Variants in PDE9A observed in about 807,000 individuals in gnomAD.
The protein encoded by PDE9A is high affinity cGMP-specific 3',5'-cyclic phosphodiesterase 9A.
PDE9A carries 60 observed loss-of-function variants against 87.4 expected under a neutral mutation model. The observed-to-expected ratio is 0.69, with a 90% CI of 0.56 to 0.85. PDE9A has a LOEUF of 0.85. Ranked by LOEUF, PDE9A falls within the 40% of genes least tolerant of loss-of-function variation. The pLI is 0.00. For missense variants in PDE9A, 665 were observed against 779.0 expected, an observed-to-expected ratio of 0.85 and a Z score of 1.74; for synonymous variants, 272 against 279.4, an observed-to-expected ratio of 0.97 and a Z score of 0.27.
intron 1 of PDE9A, among the ~76,000 whole-genome samples, chr21:42,684,716 G>C (rs1354239015): frequency 6.6e-6 from 1 of 152,174 alleles, no homozygotes; most frequent in East Asian, 1.9e-4. Flanking sequence ...GTGCGAGCAG[G>C]GCCAGGACCA....
rs1159159460 is a variant in PDE9A, at chr21:42,759,061, C to A, written c.873C>A (p.Asn291Lys). ...GGCTGGTCAGGGACTTCAGCATCAA[C>A]CCTGTCACCCTCAGGAGGTGGCTGG... ...DLGLVRDFSINPVTLRRWLFC... is the reference protein window; with the variant it reads ...DLGLVRDFSIKPVTLRRWLFC... Residue 291 changes from asparagine (N) to lysine (K), a missense_variant, in exon 11 of 20, where the codon AAC (asparagine) becomes AAA (lysine). By Grantham distance (94) the Asn-to-Lys change is moderately conservative. Transcript: ENST00000291539. The surrounding 1 kb of genome is among the most constrained non-coding windows in gnomAD (Gnocchi z 7.2). 1 of 1,613,944 alleles carries A rather than the reference C, an allele frequency of 6.2e-7. No individual in the cohort carries two copies. Among genetic ancestry groups the A allele is most frequent in the Non-Finnish European group, 8.5e-7 (1 of 1,179,812 alleles).
intron 4 of PDE9A, among the ~76,000 whole-genome samples, chr21:42,730,161 G>A (rs1354230126): frequency 2.0e-5 from 3 of 152,168 alleles, no homozygotes; most frequent in Non-Finnish European, 4.4e-5. Context: ...GATGATTCTT[G>A]TTGATGGGAG....
intron 7 of PDE9A, among the ~76,000 whole-genome samples, chr21:42,738,503 G>A (rs951764178): frequency 4.6e-5 from 7 of 151,892 alleles, no homozygotes; most frequent in African/African-American, 4.8e-5. Flanking sequence ...AGCTCTCCCC[G>A]ACCCCCAGCT....
intron 4 of PDE9A, among the ~76,000 whole-genome samples, chr21:42,706,538 G>A (rs1462082657): frequency 1.3e-5 from 2 of 151,942 alleles, no homozygotes; most frequent in Non-Finnish European, 2.9e-5. Context: ...CTAGCTACTT[G>A]GAAGGCTGAG....
At chr21:42,677,060 A>G (rs571319844) in intron 1 of PDE9A, among the ~76,000 whole-genome samples, 116 of 152,300 alleles carry the variant, frequency 7.6e-4, no homozygotes, top group African/African-American at 2.7e-3. Flanking sequence ...GGGTAGTGTG[A>G]TGGAAAGACA....
chr21:42,757,840 G>A (rs1034321529), intron 10 of PDE9A: 8 of 152,238 alleles, frequency 5.3e-5, no homozygotes, highest in African/African-American at 1.9e-4. Context: ...GCCTCACCCT[G>A]ACTAGATGGA....
At chr21:42,670,195 TCACACACATA>T (rs1049600908) in intron 1 of PDE9A, among the ~76,000 whole-genome samples, 7 of 144,316 alleles carry the variant, frequency 4.9e-5, no homozygotes, top group Non-Finnish European at 9.0e-5. Flanking sequence ...TTACACACAT[TCACACACATA>T]CACTTACATT....
intron 5 of PDE9A, 51 bp downstream of exon 5, chr21:42,732,000 C>T (rs780783625): frequency 1.6e-5 from 26 of 1,610,894 alleles, no homozygotes; most frequent in South Asian, 4.4e-5. Context: ...ACGTGGGATT[C>T]GGGCTGCAAT....
chr21:42,670,561 C>T (rs1171882434), intron 1 of PDE9A, among the ~76,000 whole-genome samples: 2 of 150,262 alleles, frequency 1.3e-5, no homozygotes, highest in African/African-American at 5.0e-5. Flanking sequence ...CCCACACATT[C>T]ACACATACAC....
chr21:42,662,805 CCA>C (rs145999655), intron 1 of PDE9A, among the ~76,000 whole-genome samples: 3,670 of 139,602 alleles, frequency 0.026, 157 homozygotes, highest in East Asian at 0.23. Context: ...CACACACACA[CCA>C]CACACACGCA....
chr21:42,769,448 G>A (rs1442205829), intron 17 of PDE9A, among the ~76,000 whole-genome samples: 4 of 125,614 alleles, frequency 3.2e-5, no homozygotes, highest in Non-Finnish European at 6.4e-5. Context: ...ATGTACACAG[G>A]CACACACAGG....
At chr21:42,665,102 C>T (rs776804289) in intron 1 of PDE9A, among the ~76,000 whole-genome samples, 19 of 152,320 alleles carry the variant, frequency 1.2e-4, no homozygotes, top group South Asian at 6.2e-4. Flanking sequence ...GAACGGAAGA[C>T]GTAGAGACAG....
At chr21:42,765,723 C>T (rs11911386) in intron 15 of PDE9A, 5,433 of 518,254 alleles carry the variant, frequency 0.01, 236 homozygotes, top group African/African-American at 0.094. Context: ...CCCATTCCTC[C>T]ATCTCTTTTG....
chr21:42,753,965 A>C, intron 9 of PDE9A, 25 bp from the exon 10 acceptor site: 1 of 1,505,248 alleles, frequency 6.6e-7, no homozygotes, highest in Non-Finnish European at 9.2e-7. Context: ...GCGCCTGGTT[A>C]ACACGGAACT....
chr21:42,671,195 G>T (rs1258843847), intron 1 of PDE9A, among the ~76,000 whole-genome samples: 2 of 152,132 alleles, frequency 1.3e-5, no homozygotes, highest in East Asian at 3.8e-4. Flanking sequence ...AGGAGGGGAG[G>T]CGTGGGGACA....
intron 15 of PDE9A, among the ~76,000 whole-genome samples, chr21:42,766,195 G>A (rs187181696): frequency 8.5e-4 from 129 of 152,276 alleles, no homozygotes; most frequent in African/African-American, 3.0e-3. Flanking sequence ...AAAAAAATCA[G>A]TGCATATCTG....
Position 42,656,558 on chromosome 21 carries a change from G to A in PDE9A, c.69+2675G>A, listed in dbSNP as rs112288446. 2.1e-3 allele frequency among the ~76,000 whole-genome samples: 316 copies of A among 151,978 alleles called. 2 individuals are homozygous for A. The highest frequency in any genetic ancestry group is 7.5e-3 in the African/African-American group (309 of 41,326). On this transcript the variant is annotated intron_variant, in intron 1 of 19. Transcript: ENST00000291539. ...GCAGGTAACCCTGCAGACATGCCCA[G>A]TGATTCAGAGGAGCCGCTGCAGCCA...
rs560317525 is a variant in PDE9A, at chr21:42,739,111, G to A, written c.569-4665G>A. 2.0e-5 allele frequency among the ~76,000 whole-genome samples: 3 copies of A among 152,348 alleles called. No individual in the cohort carries two copies. Among genetic ancestry groups the A allele is most frequent in the East Asian group, 1.9e-4 (1 of 5,184 alleles). ...CAGGCAGCCGTGGGCTGGGCTCCCA[G>A]CCCCCTAGCAGGGTCCAGTGGGCCA... On this transcript the variant is annotated intron_variant, in intron 7 of 19. Coordinates refer to ENST00000291539, the MANE Select transcript of PDE9A (RefSeq NM_002606.3). The surrounding 1 kb of genome is among the most constrained non-coding windows in gnomAD (Gnocchi z 4.1).
intron 15 of PDE9A, among the ~76,000 whole-genome samples, chr21:42,766,372 T>C (rs148662386): frequency 4.8e-4 from 73 of 151,714 alleles, no homozygotes; most frequent in African/African-American, 1.7e-3. Flanking sequence ...CTCCCGGCCT[T>C]CAGAGAGAAA....
Sources: allele counts gnomAD v4.1 joint callset (sites outside exome capture counted in the v4.1 genomes callset), GRCh38; gene constraint gnomAD v4.1.1; non-coding constraint Gnocchi (gnomAD v3.1); transcripts MANE v1.5; gene names NCBI Gene and HGNC (gene_info 2026-07-23, HGNC 2026-07-21).